The following FOXP2 variants were observed in gnomAD, a reference collection of about 807,000 sequenced individuals.
The protein encoded by FOXP2 is forkhead box P2, also known as forkhead box protein P2.
A neutral mutation model predicts 115.8 loss-of-function variants in FOXP2; 12 were observed. The observed-to-expected ratio is 0.10, with a 90% CI of 0.07 to 0.17. FOXP2 has a LOEUF of 0.17. Among genes scored for constraint, FOXP2 ranks in the 10% least tolerant of loss-of-function variants. FOXP2 has a pLI of 1.00. For missense variants in FOXP2, 629 were observed against 843.5 expected (o/e 0.75, Z 3.15); for synonymous variants, 328 against 297.7 (o/e 1.10, Z -1.05).
rs56411270 is a variant in FOXP2, at chr7:114,338,748, T to TCACACACACA, written c.-11+50664_-11+50673dup. Among the ~76,000 whole-genome samples the TCACACACACA allele has an allele frequency of 2.9e-4, 42 of 146,628 alleles. 1 individual carries two copies. The highest frequency in any genetic ancestry group is 3.5e-3 in the Middle Eastern group (1 of 286). ...AAAAACTGAGTTCTTGTCAAGATGT[T>TCACACACACA]CACACACACACACACACACACACAC... is the stretch of plus-strand genomic sequence containing the variant. On this transcript the variant is annotated intron_variant, in intron 2 of 17. Coordinates refer to the FOXP2 transcript ENST00000634411.
intron 9 of FOXP2, chr7:114,653,394 C>T: frequency 6.2e-6 from 1 of 162,214 alleles, no homozygotes. Flanking sequence ...TAGATGCCGA[C>T]TCCGTGGCAG....
At chr7:114,195,220 A>G (rs922398408) in intron 1 of FOXP2, among the ~76,000 whole-genome samples, 1 of 152,218 alleles carries the variant, frequency 6.6e-6, no homozygotes, top group East Asian at 1.9e-4. Context: ...GTTTCAAGCA[A>G]GATAATTCTT....
chr7:114,618,474 C>A (rs1804066462), intron 3 of FOXP2, among the ~76,000 whole-genome samples: 1 of 152,092 alleles, frequency 6.6e-6, no homozygotes, highest in South Asian at 2.1e-4. Context: ...GGTGATTTAT[C>A]CCTTATTGAA....
intron 1 of FOXP2, among the ~76,000 whole-genome samples, chr7:114,147,080 G>C (rs1792390270): frequency 6.6e-6 from 1 of 152,148 alleles, no homozygotes; most frequent in South Asian, 2.1e-4. Context: ...ATAGTATAGA[G>C]AAAATGGAAT....
chr7:114,254,617 T>C (rs1454528155), intron 1 of FOXP2, among the ~76,000 whole-genome samples: 1 of 152,140 alleles, frequency 6.6e-6, no homozygotes, highest in Non-Finnish European at 1.5e-5. Flanking sequence ...CGTCACGTAG[T>C]TCTAGTGCCA....
intron 2 of FOXP2, among the ~76,000 whole-genome samples, chr7:114,514,249 T>C (rs569490235): frequency 6.6e-6 from 1 of 152,244 alleles, no homozygotes; most frequent in Admixed American, 6.5e-5. Flanking sequence ...CACATACTTA[T>C]CATTTTGTTA....
intron 1 of FOXP2, among the ~76,000 whole-genome samples, chr7:114,242,694 CTAG>C (rs1404498706): frequency 6.6e-6 from 1 of 152,070 alleles, no homozygotes; most frequent in Non-Finnish European, 1.5e-5. Context: ...ACGTTTCTCT[CTAG>C]AAAGAAATAT....
chr7:114,411,406 G>A (rs1793159390), upstream of FOXP2, among the ~76,000 whole-genome samples: 1 of 152,080 alleles, frequency 6.6e-6, no homozygotes, highest in Non-Finnish European at 1.5e-5. Flanking sequence ...GAATTCCCCT[G>A]TAGTTTATAT....
At chr7:114,114,381 G>A (rs891166742) in intron 1 of FOXP2, among the ~76,000 whole-genome samples, 1 of 152,036 alleles carries the variant, frequency 6.6e-6, no homozygotes, top group East Asian at 1.9e-4. Context: ...GGAATAATGA[G>A]TGATACAGGG....
chr7:114,472,345 CT>C (rs1164348933), intron 2 of FOXP2, among the ~76,000 whole-genome samples: 452 of 137,710 alleles, frequency 3.3e-3, no homozygotes, highest in African/African-American at 4.3e-3. Flanking sequence ...TTTATAAATT[CT>C]TTTTTTTTTT....
At position 114,693,750 on chromosome 7, in the gene FOXP2, A is replaced by C. The variant is rs1223443960; in HGVS notation, c.*3824A>C. On this transcript the variant is annotated 3_prime_UTR_variant, in exon 17 of 17. Coordinates refer to ENST00000350908, the MANE Select transcript of FOXP2 (RefSeq NM_014491.4). ...TTCTGAAGTATAAATAAAAAAATCTAATTCTTTTTGACCCATTTATAACCA... is the reference window on the plus strand; with the variant it reads ...TTCTGAAGTATAAATAAAAAAATCTCATTCTTTTTGACCCATTTATAACCA... The C allele has an allele frequency of 2.9e-5, 9 of 312,918 alleles. No homozygotes were observed. The highest frequency in any genetic ancestry group is 3.7e-5 in the Non-Finnish European group (6 of 161,042). 19.4% of individuals were successfully genotyped at this position (312,918 alleles called of 1,614,324 possible). A position where few individuals can be genotyped will look rare whatever the true frequency, so the allele number is the denominator to read the frequency against.
At chr7:114,173,926 T>A (rs1233345638) in intron 1 of FOXP2, among the ~76,000 whole-genome samples, 1 of 151,992 alleles carries the variant, frequency 6.6e-6, no homozygotes, top group Non-Finnish European at 1.5e-5. Flanking sequence ...TTTGCAGACC[T>A]GGGTTCAAAT....
At chr7:114,168,721 AT>A (rs1299637924) in intron 1 of FOXP2, among the ~76,000 whole-genome samples, 1 of 152,188 alleles carries the variant, frequency 6.6e-6, no homozygotes, top group African/African-American at 2.4e-5. Context: ...CCTCAAGACA[AT>A]GGGGAAAACG....
chr7:114,449,936 A>G (rs555810889), intron 2 of FOXP2, among the ~76,000 whole-genome samples: 3 of 152,130 alleles, frequency 2.0e-5, no homozygotes, highest in Non-Finnish European at 2.9e-5. Flanking sequence ...TTAAAAATAC[A>G]GTTCACTTTA....
At chr7:114,459,773 G>A (rs919737471) in intron 2 of FOXP2, among the ~76,000 whole-genome samples, 5 of 151,872 alleles carry the variant, frequency 3.3e-5, no homozygotes, top group South Asian at 2.1e-4. Context: ...GTGCCACCAC[G>A]CCCGGCTACT....
intron 2 of FOXP2, among the ~76,000 whole-genome samples, chr7:114,330,194 T>C (rs1206244784): frequency 2.0e-5 from 3 of 152,160 alleles, no homozygotes; most frequent in Non-Finnish European, 1.5e-5. Flanking sequence ...TAAAATATTA[T>C]TAGAGTTAAG....
chr7:114,446,798 G>GCATGCAGT (rs1326831126), intron 2 of FOXP2, among the ~76,000 whole-genome samples: 2 of 148,770 alleles, frequency 1.3e-5, no homozygotes, highest in Admixed American at 1.4e-4. Context: ...AGGCTGGAGT[G>GCATGCAGT]CATGCAGTGG....
intron 3 of FOXP2, among the ~76,000 whole-genome samples, chr7:114,565,733 T>G (rs1351612119): frequency 6.6e-6 from 1 of 152,158 alleles, no homozygotes; most frequent in Non-Finnish European, 1.5e-5. Flanking sequence ...GTACAGGTCT[T>G]GGAGTCTGTG....
chr7:114,396,316 G>C (rs1489778691), intron 2 of FOXP2, among the ~76,000 whole-genome samples: 1 of 152,010 alleles, frequency 6.6e-6, no homozygotes, highest in South Asian at 2.1e-4. Flanking sequence ...ATGACTTCCA[G>C]TTCCATCCAT....
Sources: gnomAD v4.1 joint callset for allele counts (sites outside exome capture counted in the v4.1 genomes callset) on GRCh38, gnomAD v4.1.1 for gene constraint, MANE v1.5 for transcripts, NCBI Gene and HGNC (gene_info 2026-07-23, HGNC 2026-07-21) for gene names.